Variants in CCPG1 observed in about 807,000 individuals in gnomAD.
CCPG1 encodes the protein cell cycle progression 1.
In CCPG1, 46 loss-of-function variants were observed where a neutral mutation model predicts 81.3. The ratio of observed to expected loss-of-function variants is 0.57; its 90% CI spans 0.45 to 0.72. The LOEUF (loss-of-function observed/expected upper bound fraction) is 0.72, where lower values mean the gene tolerates loss of function less well. Ranked by LOEUF, CCPG1 falls within the 30% of genes least tolerant of loss-of-function variation. The pLI is 0.00. For missense variants in CCPG1, 902 were observed against 937.6 expected (o/e 0.96, Z 0.50); for synonymous variants, 330 against 305.2 (o/e 1.08, Z -0.85).
At chr15:55,382,893 G>A (rs1214774136) in intron 3 of CCPG1, among the ~76,000 whole-genome samples, 1 of 152,116 alleles carries the variant, frequency 6.6e-6, no homozygotes. Flanking sequence ...ACCACTCAAA[G>A]TCATGAAGGT....
chr15:55,363,873 A>G (rs1407349471), intron 7 of CCPG1, among the ~76,000 whole-genome samples: 2 of 127,760 alleles, frequency 1.6e-5, no homozygotes, highest in African/African-American at 6.2e-5. Context: ...GTGTGATCTC[A>G]GCTTACTATA....
In CCPG1 at chr15:55,386,665, C is replaced by T. The variant is rs138563111; in HGVS notation, c.61-951G>A. Among the ~76,000 whole-genome samples, 198 of 152,096 alleles carry T rather than the reference C, an allele frequency of 1.3e-3. 2 individuals are homozygous for T. The highest frequency in any genetic ancestry group is 4.6e-3 in the African/African-American group (190 of 41,476). On this transcript the variant is annotated intron_variant, in intron 2 of 8. Transcript: ENST00000442196. ...ATCCCAGCACCTTGGGAGCCTGAGG[C>T]GGGCGGATCACGAGGTCAGGAGATC...
At chr15:55,405,841 A>C (rs1595872657) in intron 1 of CCPG1, among the ~76,000 whole-genome samples, 1 of 152,240 alleles carries the variant, frequency 6.6e-6, no homozygotes, top group Non-Finnish European at 1.5e-5. Context: ...AGCAACAGGG[A>C]CTTTGCCTGT....
chr15:55,398,860 G>A (rs991480080), intron 1 of CCPG1, among the ~76,000 whole-genome samples: 3 of 152,190 alleles, frequency 2.0e-5, no homozygotes, highest in Admixed American at 6.5e-5. Flanking sequence ...GATTACAGGT[G>A]TGAGCCACTG....
intron 6 of CCPG1, among the ~76,000 whole-genome samples, chr15:55,369,582 A>G (rs772199502): frequency 6.6e-6 from 1 of 152,148 alleles, no homozygotes; most frequent in Non-Finnish European, 1.5e-5. Context: ...TGGAAAAGTC[A>G]TTTAGGTCAG....
intron 1 of CCPG1, among the ~76,000 whole-genome samples, chr15:55,400,638 G>A (rs2057111515): frequency 6.6e-6 from 1 of 152,162 alleles, no homozygotes; most frequent in Non-Finnish European, 1.5e-5. Flanking sequence ...CAAAGTTGCT[G>A]CCAACAACAT....
At chr15:55,391,957 C>T (rs1216473620) in intron 1 of CCPG1, among the ~76,000 whole-genome samples, 2 of 142,430 alleles carry the variant, frequency 1.4e-5, no homozygotes, top group South Asian at 2.3e-4. Context: ...ACGGAAGGAC[C>T]GCTCAAGTCC....
intron 5 of CCPG1, chr15:55,374,372 T>A: frequency 2.1e-6 from 1 of 485,376 alleles, no homozygotes; most frequent in Non-Finnish European, 3.4e-6. Flanking sequence ...AATTAAAACG[T>A]AATAACCATG....
intron 8 of CCPG1, chr15:55,358,240 T>C: frequency 2.9e-6 from 1 of 345,330 alleles, no homozygotes; most frequent in East Asian, 1.7e-4. Context: ...AACAAACCTA[T>C]GTGTGAGATT....
chr15:55,381,523 C>G (rs2056695630), intron 3 of CCPG1, among the ~76,000 whole-genome samples: 1 of 152,156 alleles, frequency 6.6e-6, no homozygotes, highest in African/African-American at 2.4e-5. Context: ...CTTTCAGATT[C>G]TCAAAAGGAT....
intron 1 of CCPG1, among the ~76,000 whole-genome samples, chr15:55,405,674 C>T (rs2057204583): frequency 6.6e-6 from 1 of 152,186 alleles, no homozygotes; most frequent in Non-Finnish European, 1.5e-5. Flanking sequence ...GCACTCCAGA[C>T]TAGGTGACAG....
chr15:55,378,083 A>G (rs569994677), intron 4 of CCPG1, among the ~76,000 whole-genome samples: 2 of 152,350 alleles, frequency 1.3e-5, no homozygotes, highest in Non-Finnish European at 2.9e-5. Context: ...AATGCAATCT[A>G]CTTCCAAAAA....
intron 2 of CCPG1, among the ~76,000 whole-genome samples, chr15:55,386,253 C>T (rs1462909331): frequency 6.6e-6 from 1 of 150,432 alleles, no homozygotes; most frequent in African/African-American, 2.4e-5. Flanking sequence ...CAGAGAAACA[C>T]CCATATGCAA....
At chr15:55,357,391 T>C (rs775177935) in intron 8 of CCPG1, 17 of 985,492 alleles carry the variant, frequency 1.7e-5, no homozygotes, top group Non-Finnish European at 2.0e-5. Flanking sequence ...ATGTCTGTAT[T>C]ATATTGACCA....
intron 2 of CCPG1, among the ~76,000 whole-genome samples, chr15:55,387,147 G>C (rs1404199321): frequency 6.6e-6 from 1 of 152,120 alleles, no homozygotes; most frequent in African/African-American, 2.4e-5. Flanking sequence ...TAGAAGAAGA[G>C]AGATAAAAGT....
At position 55,408,229 on chromosome 15, in the gene CCPG1, G is replaced by A. The variant is rs8023354; in HGVS notation, c.-18C>T. 27,106 of 153,198 alleles carry A rather than the reference G, an allele frequency of 0.18. 4,166 individuals carry two copies. The highest frequency in any genetic ancestry group is 0.42 in the African/African-American group (17,396 of 41,574). 9.5% of individuals were successfully genotyped at this position (153,198 alleles called of 1,614,324 possible). ...CCCGCCTAGTACAGTACCTGAAGGG[G>A]CAGCGCCACCTCCGCCCGATTGTGC... On this transcript the variant is annotated 5_prime_UTR_variant, in exon 1 of 9. Transcript: ENST00000442196.
At chr15:55,396,339 A>C (rs2057017346) in intron 1 of CCPG1, among the ~76,000 whole-genome samples, 1 of 150,372 alleles carries the variant, frequency 6.7e-6, no homozygotes, top group Non-Finnish European at 1.5e-5. Flanking sequence ...TTATAAAAAG[A>C]AGAATACTTT....
intron 3 of CCPG1, among the ~76,000 whole-genome samples, chr15:55,385,201 T>C (rs1424182574): frequency 6.6e-6 from 1 of 152,214 alleles, no homozygotes; most frequent in Non-Finnish European, 1.5e-5. Context: ...AGTCTCACTC[T>C]GTTGCCCAGG....
chr15:55,396,606 C>T (rs1236587413), intron 1 of CCPG1, among the ~76,000 whole-genome samples: 1 of 152,144 alleles, frequency 6.6e-6, no homozygotes, highest in Non-Finnish European at 1.5e-5. Flanking sequence ...ACATTCAGGT[C>T]AAAAACCTTA....
Sources: gnomAD v4.1 joint callset for allele counts (sites outside exome capture counted in the v4.1 genomes callset) on GRCh38, gnomAD v4.1.1 for gene constraint, MANE v1.5 for transcripts, NCBI Gene and HGNC (gene_info 2026-07-23, HGNC 2026-07-21) for gene names.